CNOT6: variants seen among roughly 807,000 people sequenced by gnomAD.
The protein encoded by CNOT6 is CCR4-NOT transcription complex subunit 6, also known as carbon catabolite repression 4 protein.
CNOT6 carries 12 observed loss-of-function variants against 61.2 expected under a neutral mutation model. That is an observed-to-expected ratio of 0.20 (90% CI 0.13 to 0.32). The LOEUF (loss-of-function observed/expected upper bound fraction) is 0.32, where lower values mean the gene tolerates loss of function less well. CNOT6 is among the 10% of genes least tolerant of loss of function. The pLI is 1.00. For missense variants in CNOT6, 405 were observed against 663.9 expected (o/e 0.61, Z 4.28); for synonymous variants, 225 against 240.6 (o/e 0.94, Z 0.60).
At chr5:180,507,910 G>A (rs777752900) in intron 1 of CNOT6, among the ~76,000 whole-genome samples, 13 of 152,176 alleles carry the variant, frequency 8.5e-5, no homozygotes, top group Admixed American at 3.3e-4. Flanking sequence ...CAGATCTTGC[G>A]ATAACTCACT....
rs189615572 is a variant in CNOT6, at chr5:180,543,596, A to G, written c.113-6335A>G. ...TTAGCATACCTGAACAAGTGTTTTC[A>G]TAAGGTAAATCACAAATTGTGGAAT... On this transcript the variant is annotated intron_variant, in intron 2 of 11. Coordinates refer to ENST00000261951, the MANE Select transcript of CNOT6 (RefSeq NM_001370472.1). Among the ~76,000 whole-genome samples the G allele has an allele frequency of 1.6e-4, 25 of 152,328 alleles. No individual in the cohort carries two copies. The East Asian group carries it at 4.8e-3, about 29-fold the overall frequency.
At chr5:180,568,321 C>T (rs765119959) in intron 9 of CNOT6, among the ~76,000 whole-genome samples, 3 of 150,958 alleles carry the variant, frequency 2.0e-5, no homozygotes, top group Non-Finnish European at 2.9e-5. Context: ...GGTAAGAACT[C>T]CATACACTTT....
rs148283671 is a variant in CNOT6, at chr5:180,569,513, C to T, written c.1258+173C>T. On this transcript the variant is annotated intron_variant, in intron 10 of 11. Coordinates refer to ENST00000261951, the MANE Select transcript of CNOT6 (RefSeq NM_001370472.1). ...TGGAGGGGCCATTTTGAAGATGAAA[C>T]GATATTATGGAAACTTGAGGAGAAG... Among the ~76,000 whole-genome samples, 1,276 of 152,040 alleles carry T rather than the reference C, an allele frequency of 8.4e-3. 13 individuals carry two copies. Among genetic ancestry groups the T allele is most frequent in the African/African-American group, 0.029 (1,198 of 41,442 alleles).
intron 2 of CNOT6, among the ~76,000 whole-genome samples, chr5:180,537,368 C>T (rs996792882): frequency 1.1e-4 from 17 of 152,106 alleles, no homozygotes; most frequent in African/African-American, 4.1e-4. Flanking sequence ...TTGCGGTTCT[C>T]TAATGGCATA....
chr5:180,564,130 C>T (rs998101066), intron 4 of CNOT6, among the ~76,000 whole-genome samples: 1 of 152,174 alleles, frequency 6.6e-6, no homozygotes, highest in Non-Finnish European at 1.5e-5. Context: ...TCACTGTTTC[C>T]TCTGCCCACC....
chr5:180,500,097 CT>C (rs908414989), intron 1 of CNOT6, among the ~76,000 whole-genome samples: 83 of 117,512 alleles, frequency 7.1e-4, no homozygotes, highest in African/African-American at 1.4e-3. Flanking sequence ...CTTTTCTTTT[CT>C]TTTTTTTTCC....
intron 11 of CNOT6, among the ~76,000 whole-genome samples, chr5:180,572,202 T>TC (rs1213618963): frequency 6.6e-6 from 1 of 152,132 alleles, no homozygotes; most frequent in Admixed American, 6.5e-5. Context: ...ATCTTTTTTC[T>TC]CCCCCTAGAG....
chr5:180,578,331 A>C lies in CNOT6; in HGVS notation c.*4131A>C, dbSNP rs1761097537. On this transcript the variant is annotated 3_prime_UTR_variant, in exon 12 of 12. Transcript: ENST00000261951. ...TTTGGAAGGAGGTTGACATATTTTA[A>C]ATAAATGCTTTTAAATACAGTAGCA... is the stretch of plus-strand genomic sequence containing the variant. 1 of 152,636 alleles carries C rather than the reference A, an allele frequency of 6.6e-6. No individual in the cohort carries two copies. The highest frequency in any genetic ancestry group is 1.5e-5 in the Non-Finnish European group (1 of 68,048). 9.5% of individuals were successfully genotyped at this position (152,636 alleles called of 1,614,324 possible). A position where few individuals can be genotyped will look rare whatever the true frequency, so the allele number is the denominator to read the frequency against.
chr5:180,556,801 A>C (rs1581554386), intron 4 of CNOT6, among the ~76,000 whole-genome samples: 1 of 152,128 alleles, frequency 6.6e-6, no homozygotes, highest in Non-Finnish European at 1.5e-5. Flanking sequence ...AAATACAAAA[A>C]CAAAATTAGC....
chr5:180,543,750 G>A (rs1246168414), intron 2 of CNOT6, among the ~76,000 whole-genome samples: 1 of 152,014 alleles, frequency 6.6e-6, no homozygotes, highest in East Asian at 1.9e-4. Context: ...TTGGATATTA[G>A]TCTTTTTTAT....
chr5:180,560,146 C>CTT (rs1258849869), intron 4 of CNOT6, among the ~76,000 whole-genome samples: 1 of 151,920 alleles, frequency 6.6e-6, no homozygotes, highest in East Asian at 1.9e-4. Flanking sequence ...GAGGTTTCAC[C>CTT]ATGTTGGTCA....
intron 2 of CNOT6, among the ~76,000 whole-genome samples, chr5:180,537,114 G>C (rs1318092323): frequency 6.6e-6 from 1 of 152,250 alleles, no homozygotes; most frequent in African/African-American, 2.4e-5. Flanking sequence ...ATAAACATCT[G>C]TGTGCAGTTC....
At chr5:180,554,524 TTAAA>T (rs1182161258) in intron 4 of CNOT6, among the ~76,000 whole-genome samples, 2 of 151,966 alleles carry the variant, frequency 1.3e-5, no homozygotes, top group African/African-American at 4.8e-5. Flanking sequence ...ACAGTTTTTT[TTAAA>T]TAAATAGAAA....
At chr5:180,504,672 A>G (rs17080370) in intron 1 of CNOT6, among the ~76,000 whole-genome samples, 11,306 of 152,256 alleles carry the variant, frequency 0.074, 587 homozygotes, top group Non-Finnish European at 0.11. Flanking sequence ...TACCTTTTTA[A>G]TCTTGGTGAG....
chr5:180,573,943 G>A (rs776278790), intron 11 of CNOT6, 45 bp from the exon 12 acceptor site: 50 of 1,304,632 alleles, frequency 3.8e-5, no homozygotes, highest in Admixed American at 2.7e-4. Context: ...GAGGATTTTA[G>A]TGTTGTCTTA....
At chr5:180,539,673 T>C (rs112189454) in intron 2 of CNOT6, among the ~76,000 whole-genome samples, 18,716 of 138,514 alleles carry the variant, frequency 0.14, 1,543 homozygotes, top group Middle Eastern at 0.2. Context: ...TACTGCAAGC[T>C]CTGCCTCCCA....
At chr5:180,524,917 T>C (rs1758028881) in intron 1 of CNOT6, among the ~76,000 whole-genome samples, 1 of 152,208 alleles carries the variant, frequency 6.6e-6, no homozygotes, top group African/African-American at 2.4e-5. Context: ...TTAGGTGATC[T>C]TAAGGGATGC....
At chr5:180,495,563 G>C (rs976288318) in intron 1 of CNOT6, 4 of 152,142 alleles carry the variant, frequency 2.6e-5, no homozygotes, top group African/African-American at 9.7e-5. Flanking sequence ...CATCTCGCTC[G>C]AGCTCTTTGG....
At chr5:180,520,420 G>C (rs1046577738) in intron 1 of CNOT6, among the ~76,000 whole-genome samples, 1 of 152,046 alleles carries the variant, frequency 6.6e-6, no homozygotes, top group Admixed American at 6.5e-5. Context: ...AAGGCAGGCA[G>C]ATCACCAGGT....
Sources: gnomAD v4.1 joint callset for allele counts (sites outside exome capture counted in the v4.1 genomes callset) on GRCh38, gnomAD v4.1.1 for gene constraint, MANE v1.5 for transcripts, NCBI Gene and HGNC (gene_info 2026-07-23, HGNC 2026-07-21) for gene names.